Variants in PML observed in about 807,000 individuals in gnomAD.
PML encodes the protein protein PML.
A neutral mutation model predicts 65.2 loss-of-function variants in PML; 28 were observed. The observed-to-expected ratio is 0.43, with a 90% CI of 0.32 to 0.59. The LOEUF is 0.59. Among genes scored for constraint, PML ranks in the 20% least tolerant of loss-of-function variants. The pLI, the probability that PML is intolerant of heterozygous loss-of-function variation, is 0.08. For missense variants in PML, 1,021 were observed against 1,203.4 expected (o/e 0.85, Z 2.24); for synonymous variants, 500 against 508.8 (o/e 0.98, Z 0.23).
chr15:73,998,971 A>G (rs906286715), intron 2 of PML, among the ~76,000 whole-genome samples: 2 of 152,076 alleles, frequency 1.3e-5, no homozygotes, highest in African/African-American at 2.4e-5. Context: ...CTGTATGGGG[A>G]AAAAAAATCA....
At chr15:74,007,384 A>G (rs747099662) in intron 2 of PML, among the ~76,000 whole-genome samples, 3 of 152,224 alleles carry the variant, frequency 2.0e-5, no homozygotes, top group Admixed American at 6.5e-5. Context: ...AGCCAGCAAG[A>G]GGGCAGGATT....
rs1036284127 is a variant in PML at position 74,047,372 on chromosome 15, A to T, written c.*2364A>T. On this transcript the variant is annotated 3_prime_UTR_variant, in exon 9 of 9. Coordinates refer to ENST00000268058, the MANE Select transcript of PML (RefSeq NM_033238.3). ...CAGGTAATGGGAATTGATCAGTGCC[A>T]CCACCCTTGACCCCAACTACCATCC... 2 of 230,836 alleles carry T rather than the reference A, an allele frequency of 8.7e-6. No homozygotes were observed. Among genetic ancestry groups the T allele is most frequent in the Non-Finnish European group, 1.7e-5 (2 of 116,572 alleles). The allele number at this position is 230,836 out of a possible 1,614,324, so 14.3% of individuals were successfully genotyped here. A position where few individuals can be genotyped will look rare whatever the true frequency, so the allele number is the denominator to read the frequency against.
intron 7 of PML, chr15:74,036,506 A>C (rs537436638): frequency 1.8e-6 from 2 of 1,106,056 alleles, no homozygotes; most frequent in East Asian, 4.4e-5. Context: ...TGGGGATACC[A>C]TGTCCCCTCT....
At position 74,023,248 on chromosome 15, in the gene PML, G is replaced by A. The variant is rs1434994166; in HGVS notation, c.1023G>A (p.Ser341=). 3.7e-6 allele frequency: 6 copies of A among 1,611,050 alleles called. No individual in the cohort carries two copies. In the Admixed American group the frequency reaches 5.0e-5, roughly 13 times the overall value. Residue 341 remains serine (S), a synonymous_variant, in exon 3 of 9, where the codon TCG becomes TCA. Transcript: ENST00000268058. The part of the protein sequence containing the change: ...ALVQRMKCYA[S]DQEVLDMHGF... ...TGCAGAGGATGAAGTGCTACGCCTCGGACCAGGAGGTGCTGGACATGCACG... is the reference window on the plus strand; with the variant it reads ...TGCAGAGGATGAAGTGCTACGCCTCAGACCAGGAGGTGCTGGACATGCACG...
chr15:74,032,860 C>G, intron 5 of PML, 145 bp downstream of exon 5: 1 of 927,654 alleles, frequency 1.1e-6, no homozygotes, highest in South Asian at 1.4e-5. Context: ...TCTGTGCTCT[C>G]CCCTGTTCTT....
chr15:74,020,434 C>T (rs1412177454), intron 2 of PML, among the ~76,000 whole-genome samples: 5 of 151,880 alleles, frequency 3.3e-5, no homozygotes, highest in East Asian at 1.9e-4. Flanking sequence ...GGATTACAGG[C>T]GCACACCACC....
At chr15:74,030,881 G>A (rs530608059) in intron 4 of PML, among the ~76,000 whole-genome samples, 4 of 151,838 alleles carry the variant, frequency 2.6e-5, no homozygotes, top group African/African-American at 9.7e-5. Flanking sequence ...CAATTTAGTG[G>A]TATTTATTAC....
rs768725303 is a variant in PML, at chr15:74,033,306, G to T, written c.1549G>T (p.Val517Phe). The change falls in exon 6 of 9, where the codon GTC becomes TTC. Residue 517 changes from valine (V) to phenylalanine (F), a missense_variant. By Grantham distance (50) the Val-to-Phe change is conservative (BLOSUM62 -1). Transcript: ENST00000268058. ...EQPRPSTSKA[V>F]SPPHLDGPPS... ...GCCCAGGCCCAGCACCTCCAAGGCA[G>T]TCTCACCACCCCACCTGGATGGACC... 6.2e-7 allele frequency: 1 copy of T among 1,614,240 alleles called. No individual in the cohort carries two copies. The highest frequency in any genetic ancestry group is 8.5e-7 in the Non-Finnish European group (1 of 1,180,030).
Position 74,044,855 on chromosome 15 carries a change from C to T in PML, c.2496C>T (p.Thr832=). ...KYSRYLSLQT[T]TLPPAQPAFN... ...GCCGCTATCTAAGCCTGCAGACCAC[C>T]ACGTTGCCCCCTGCCCAGCCTGCTT... is the stretch of plus-strand genomic sequence containing the variant. The change falls in exon 9 of 9, where the codon ACC becomes ACT. Residue 832 remains threonine, a synonymous_variant. Transcript: ENST00000268058. The T allele has an allele frequency of 1.2e-6, 2 of 1,613,516 alleles. No individual in the cohort carries two copies. The highest frequency in any genetic ancestry group is 1.7e-6 in the Non-Finnish European group (2 of 1,180,032).
chr15:74,004,328 T>A (rs11072461), intron 2 of PML, among the ~76,000 whole-genome samples: 4 of 151,936 alleles, frequency 2.6e-5, no homozygotes, highest in Admixed American at 2.0e-4. Context: ...TAGAGATAAG[T>A]TCTTGCTCTG....
chr15:73,997,903 A>T (rs1041897078), intron 1 of PML, 101 bp from the exon 2 acceptor site: 1 of 974,642 alleles, frequency 1.0e-6, no homozygotes, highest in Non-Finnish European at 1.6e-6. Flanking sequence ...CTGGAATGGA[A>T]TATGAGGTCC....
chr15:74,000,259 G>A (rs1438252985), intron 2 of PML, among the ~76,000 whole-genome samples: 1 of 152,086 alleles, frequency 6.6e-6, no homozygotes, highest in Non-Finnish European at 1.5e-5. Context: ...AAATGGCATA[G>A]TATTTGTATA....
In PML at chr15:74,046,311, T is replaced by C; in HGVS notation, c.*1303T>C. The C allele has an allele frequency of 4.3e-6, 1 of 233,294 alleles. No homozygotes were observed. Among genetic ancestry groups the C allele is most frequent in the South Asian group, 1.8e-4 (1 of 5,528 alleles). 14.5% of individuals were successfully genotyped at this position (233,294 alleles called of 1,614,324 possible). A position where few individuals can be genotyped will look rare whatever the true frequency, so the allele number is the denominator to read the frequency against. The stretch of plus-strand genomic sequence containing the variant: ...GCAGGTCAGGGTTGTCCGCTCTGAT[T>C]AGCAGAACGACAGCCCCTTCCTCCT... On this transcript the variant is annotated 3_prime_UTR_variant, in exon 9 of 9. Coordinates refer to ENST00000268058, the MANE Select transcript of PML (RefSeq NM_033238.3).
chr15:74,016,332 C>T (rs967062939), intron 2 of PML, among the ~76,000 whole-genome samples: 3 of 151,876 alleles, frequency 2.0e-5, no homozygotes, highest in African/African-American at 7.3e-5. Context: ...ACTCAGGAGG[C>T]TGAGGTGAGA....
chr15:74,012,529 C>T (rs186477445), intron 2 of PML, among the ~76,000 whole-genome samples: 69 of 152,112 alleles, frequency 4.5e-4, no homozygotes, highest in Non-Finnish European at 1.9e-4. Context: ...AGGCTGGTCT[C>T]GAACTCCTGA....
intron 2 of PML, among the ~76,000 whole-genome samples, chr15:74,009,190 T>C (rs1468523614): frequency 6.6e-6 from 1 of 152,112 alleles, no homozygotes; most frequent in Admixed American, 6.6e-5. Flanking sequence ...GGGTGTCAGA[T>C]CCTAAAATTT....
chr15:73,995,860 T>C (rs1342108727), intron 1 of PML, among the ~76,000 whole-genome samples: 1 of 152,214 alleles, frequency 6.6e-6, no homozygotes, highest in African/African-American at 2.4e-5. Flanking sequence ...GTTCACGCCA[T>C]TCTCCTGCCT....
At chr15:74,020,140 T>G (rs1264421744) in intron 2 of PML, among the ~76,000 whole-genome samples, 1 of 152,236 alleles carries the variant, frequency 6.6e-6, no homozygotes, top group East Asian at 1.9e-4. Context: ...AATTGCTTAG[T>G]ATTTCTAATT....
intron 2 of PML, among the ~76,000 whole-genome samples, chr15:74,007,776 A>T (rs1473198361): frequency 2.6e-5 from 4 of 152,078 alleles, no homozygotes; most frequent in Admixed American, 2.6e-4. Flanking sequence ...ACTGTGTTGC[A>T]TGTTCTTTAC....
Sources: allele counts gnomAD v4.1 joint callset (sites outside exome capture counted in the v4.1 genomes callset), GRCh38; gene constraint gnomAD v4.1.1; transcripts MANE v1.5; gene names NCBI Gene and HGNC (gene_info 2026-07-23, HGNC 2026-07-21).